Variants in ANGPTL3 observed in about 807,000 individuals in gnomAD.
ANGPTL3 encodes angiopoietin like 3.
In ANGPTL3, 51 loss-of-function variants were observed where a neutral mutation model predicts 52.7. The observed-to-expected ratio is 0.97, with a 90% confidence interval of 0.77 to 1.22. ANGPTL3 has a LOEUF of 1.22. ANGPTL3 is among the 50% of genes most tolerant of loss of function. The pLI is 0.00. For missense variants in ANGPTL3, 506 were observed against 520.7 expected, an observed-to-expected ratio of 0.97 and a Z score of 0.27; for synonymous variants, 185 against 179.8, an observed-to-expected ratio of 1.03 and a Z score of -0.23.
intron 5 of ANGPTL3, among the ~76,000 whole-genome samples, chr1:62,603,694 T>C (rs572099015): frequency 3.9e-5 from 6 of 151,946 alleles, no homozygotes; most frequent in African/African-American, 1.4e-4. Flanking sequence ...TCTATAATAA[T>C]GTAACACATT....
At position 62,603,960 on chromosome 1, in the gene ANGPTL3, T is replaced by G. The variant is rs1308069792; in HGVS notation, c.932-9T>G. 6.2e-7 allele frequency: 1 copy of G among 1,612,266 alleles called. No individual in the cohort carries two copies. Among genetic ancestry groups the G allele is most frequent in the Admixed American group, 1.7e-5 (1 of 59,912 alleles). On this transcript the variant is annotated splice_polypyrimidine_tract_variant and intron_variant, in intron 5 of 6. Transcript: ENST00000371129. The stretch of plus-strand genomic sequence containing the variant: ...ATAACTCACAGATTTTTAAAACTTT[T>G]CTTTTCAGGAGAATTTTGGTTGGGC...
Position 62,601,854 on chromosome 1 carries a change from T to C in ANGPTL3, c.807T>C (p.Val269=). 6.2e-7 allele frequency: 1 copy of C among 1,609,452 alleles called. No homozygotes were observed. The highest frequency in any genetic ancestry group is 8.5e-7 in the Non-Finnish European group (1 of 1,176,626). Residue 269 remains valine (V), a synonymous_variant, in exon 4 of 7, where the codon GTT becomes GTC. Transcript: ENST00000371129. ...CCATCAGACCCAGCAACTCTCAAGT[T>C]TTTCATGTCTACTGTGATGTTATAT... is the stretch of plus-strand genomic sequence containing the variant. ...MYAIRPSNSQ[V]FHVYCDVISG...
chr1:62,597,731 T>C lies in ANGPTL3; in HGVS notation c.165T>C (p.His55=), dbSNP rs775056868. 11 of 1,613,500 alleles carry C rather than the reference T, an allele frequency of 6.8e-6. No homozygotes were observed. The highest frequency in any genetic ancestry group is 1.6e-4 in the Middle Eastern group (1 of 6,072). ...CCAATGGCCTCCTTCAGTTGGGACA[T>C]GGTCTTAAAGACTTTGTCCATAAGA... The part of the protein sequence containing the change: ...ILANGLLQLG[H]GLKDFVHKTK... Residue 55 remains histidine (H), a synonymous_variant, in exon 1 of 7, where the codon CAT becomes CAC. Transcript: ENST00000371129.
In ANGPTL3 at chr1:62,597,782, T is replaced by G. The variant is rs775299081; in HGVS notation, c.216T>G (p.Phe72Leu). ...HKTKGQINDI[F>L]QKLNIFDQSF... Reference sequence around the variant, plus strand: ...CGAAGGGCCAAATTAATGACATATTTCAAAAACTCAACATATTTGATCAGT... The same window carrying G: ...CGAAGGGCCAAATTAATGACATATTGCAAAAACTCAACATATTTGATCAGT... Residue 72 changes from phenylalanine to leucine, a missense_variant, in exon 1 of 7, where the codon TTT (phenylalanine) becomes TTG (leucine). By Grantham distance (22) the Phe-to-Leu change is conservative. Transcript: ENST00000371129. 1.2e-6 allele frequency: 2 copies of G among 1,613,492 alleles called. No individual in the cohort carries two copies. The highest frequency in any genetic ancestry group is 3.3e-5 in the Admixed American group (2 of 59,918).
At chr1:62,599,717 T>C (rs1433911673) in intron 2 of ANGPTL3, among the ~76,000 whole-genome samples, 1 of 152,028 alleles carries the variant, frequency 6.6e-6, no homozygotes, top group Non-Finnish European at 1.5e-5. Context: ...CACAGAAGCG[T>C]GTGCTATGAT....
chr1:62,602,485 C>G, intron 5 of ANGPTL3, 105 bp downstream of exon 5: 1 of 914,306 alleles, frequency 1.1e-6, no homozygotes, highest in Non-Finnish European at 1.8e-6. Flanking sequence ...GAACGAGAAG[C>G]AGTCTCAGCC....
chr1:62,604,912 T>C lies in ANGPTL3; in HGVS notation c.*95T>C. 7.5e-7 allele frequency: 1 copy of C among 1,334,720 alleles called. No individual in the cohort carries two copies. The highest frequency in any genetic ancestry group is 1.1e-6 in the Non-Finnish European group (1 of 943,578). The allele number at this position is 1,334,720 out of a possible 1,614,324, so 82.7% of individuals were successfully genotyped here. On this transcript the variant is annotated 3_prime_UTR_variant, in exon 7 of 7. Transcript: ENST00000371129. Reference sequence around the variant, plus strand: ...TGGTATTAAATCCTTAAGAGAAAGCTTGAGAAATAGATTTTTTTTATCTTA... The same window carrying C: ...TGGTATTAAATCCTTAAGAGAAAGCCTGAGAAATAGATTTTTTTTATCTTA...
chr1:62,597,892 A>G lies in ANGPTL3; in HGVS notation c.326A>G (p.Lys109Arg). 1 of 1,572,260 alleles carries G rather than the reference A, an allele frequency of 6.4e-7. No individual in the cohort carries two copies. The highest frequency in any genetic ancestry group is 2.2e-5 in the East Asian group (1 of 44,502). Residue 109 changes from lysine (K) to arginine (R), a missense_variant, in exon 1 of 7, where the codon AAA becomes AGA. Transcript: ENST00000371129. ...LRRTTYKLQV[K>R]NEEVKNMSLE... ...AGAACTACATATAAACTACAAGTCA[A>G]AAATGAAGAGGTAAAGAATATGTCA...
At chr1:62,603,072 T>C (rs1236821045) in intron 5 of ANGPTL3, among the ~76,000 whole-genome samples, 1 of 151,790 alleles carries the variant, frequency 6.6e-6, no homozygotes, top group African/African-American at 2.4e-5. Flanking sequence ...TTTAAAAATT[T>C]TGTATTCAAA....
Position 62,597,844 on chromosome 1 carries a change from A to G in ANGPTL3, c.278A>G (p.Lys93Arg). 6.2e-7 allele frequency: 1 copy of G among 1,604,694 alleles called. No homozygotes were observed. The highest frequency in any genetic ancestry group is 8.5e-7 in the Non-Finnish European group (1 of 1,176,102). ...YDLSLQTSEI[K>R]EEEKELRRTT... is the part of the protein sequence containing the mutation. ...CTATCGCTGCAAACCAGTGAAATCA[A>G]AGAAGAAGAAAAGGAACTGAGAAGA... Residue 93 changes from lysine to arginine, a missense_variant, in exon 1 of 7, where the codon AAA becomes AGA. Physicochemically the swap from Lys to Arg is conservative, Grantham distance 26. Coordinates refer to ENST00000371129, the MANE Select transcript of ANGPTL3 (RefSeq NM_014495.4).
rs773165983 is a variant in ANGPTL3 at position 62,601,784 on chromosome 1, G to C, written c.737G>C (p.Cys246Ser). Reference protein sequence around the residue: ...NVKHDGIPAECTTIYNRGEHT... With the variant: ...NVKHDGIPAESTTIYNRGEHT... Reference sequence around the variant, plus strand: ...TTGATTCTAGGCATTCCTGCTGAATGTACCACCATTTATAACAGAGGTGAA... The same window carrying C: ...TTGATTCTAGGCATTCCTGCTGAATCTACCACCATTTATAACAGAGGTGAA... The change falls in exon 4 of 7, where the codon TGT (cysteine) becomes TCT (serine). Residue 246 changes from cysteine (C) to serine (S), a missense_variant. By Grantham distance (112) the Cys-to-Ser change is moderately radical. Transcript: ENST00000371129. 6.2e-7 allele frequency: 1 copy of C among 1,608,102 alleles called. No homozygotes were observed. The highest frequency in any genetic ancestry group is 8.5e-7 in the Non-Finnish European group (1 of 1,175,898).
Position 62,602,475 on chromosome 1 carries a change from G to A in ANGPTL3, c.931+95G>A, listed in dbSNP as rs536323268. Reference sequence around the variant, plus strand: ...ACCAGGTATTAGGAAAAGTAGTAACGAACGAGAAGCAGTCTCAGCCTTCAT... The same window carrying A: ...ACCAGGTATTAGGAAAAGTAGTAACAAACGAGAAGCAGTCTCAGCCTTCAT... On this transcript the variant is annotated intron_variant, in intron 5 of 6. Coordinates refer to ENST00000371129, the MANE Select transcript of ANGPTL3 (RefSeq NM_014495.4). 348 of 1,062,042 alleles carry A rather than the reference G, an allele frequency of 3.3e-4. 1 individual carries two copies. The highest frequency in any genetic ancestry group is 2.0e-3 in the Admixed American group (116 of 58,308). 65.8% of individuals were successfully genotyped at this position (1,062,042 alleles called of 1,614,324 possible).
chr1:62,600,998 T>C (rs572357542), intron 2 of ANGPTL3, 84 bp from the exon 3 acceptor site: 6 of 814,728 alleles, frequency 7.4e-6, no homozygotes, highest in African/African-American at 1.7e-5. Context: ...AAAGACAAAC[T>C]GTACTTCTGA....
rs1650545232 is a variant in ANGPTL3, at chr1:62,603,995, A to G, written c.958A>G (p.Ile320Val). 6.2e-7 allele frequency: 1 copy of G among 1,612,964 alleles called. No homozygotes were observed. Among genetic ancestry groups the G allele is most frequent in the Non-Finnish European group, 8.5e-7 (1 of 1,179,254 alleles). ...DGEFWLGLEK[I>V]YSIVKQSNYV... ...AGAATTTTGGTTGGGCCTAGAGAAG[A>G]TATACTCCATAGTGAAGCAATCTAA... Residue 320 changes from isoleucine to valine, a missense_variant, in exon 6 of 7, where the codon ATA becomes GTA. Coordinates refer to ENST00000371129, the MANE Select transcript of ANGPTL3 (RefSeq NM_014495.4).
intron 1 of ANGPTL3, 41 bp downstream of exon 1, chr1:62,598,102 T>C (rs754825273): frequency 1.0e-5 from 15 of 1,503,106 alleles, no homozygotes; most frequent in Non-Finnish European, 1.3e-5. Context: ...ATGTTTTCAA[T>C]GTGGATCTTT....
In ANGPTL3 at chr1:62,604,128, C is replaced by T. The variant is rs753754473; in HGVS notation, c.1091C>T (p.Ala364Val). The change falls in exon 6 of 7, where the codon GCG becomes GTG. Residue 364 changes from alanine to valine, a missense_variant. Coordinates refer to ENST00000371129, the MANE Select transcript of ANGPTL3 (RefSeq NM_014495.4). The stretch of plus-strand genomic sequence containing the variant: ...ACCAACTATACGCTACATCTAGTTG[C>T]GATTACTGGCAATGTCCCCAATGCA... ...HETNYTLHLV[A>V]ITGNVPNAIP... 45 of 1,613,002 alleles carry T rather than the reference C, an allele frequency of 2.8e-5. No individual in the cohort carries two copies. Among genetic ancestry groups the T allele is most frequent in the Non-Finnish European group, 3.7e-5 (44 of 1,179,438 alleles).
chr1:62,600,233 T>C (rs1649908494), intron 2 of ANGPTL3, among the ~76,000 whole-genome samples: 1 of 151,792 alleles, frequency 6.6e-6, no homozygotes. Flanking sequence ...ACCAAAACAA[T>C]GAATTTCTGA....
chr1:62,603,381 G>C (rs1212907234), intron 5 of ANGPTL3, among the ~76,000 whole-genome samples: 2 of 151,644 alleles, frequency 1.3e-5, no homozygotes, highest in Non-Finnish European at 3.0e-5. Flanking sequence ...TTTGTTATTT[G>C]TTTTTAATTC....
rs772720883 is a variant in ANGPTL3 at position 62,604,815 on chromosome 1, T to G, written c.1381T>G (p.Ter461GlyextTer18). The G allele has an allele frequency of 1.2e-6, 2 of 1,612,572 alleles. No homozygotes were observed. Among genetic ancestry groups the G allele is most frequent in the African/African-American group, 2.7e-5 (2 of 74,862 alleles). ...TCCAACAGATTCAGAAAGCTTTGAATGAACTGAGGCAAATTTAAAAGGCAA... is the reference window on the plus strand; with the variant it reads ...TCCAACAGATTCAGAAAGCTTTGAAGGAACTGAGGCAAATTTAAAAGGCAA... ...IHPTDSESFE[*>G] The change falls in exon 7 of 7, where the codon TGA (stop) becomes GGA (glycine). Residue 461 changes from the stop codon to glycine (G), a stop_lost. Transcript: ENST00000371129.
Sources: allele counts gnomAD v4.1 joint callset (sites outside exome capture counted in the v4.1 genomes callset), GRCh38; gene constraint gnomAD v4.1.1; transcripts MANE v1.5; gene names NCBI Gene and HGNC (gene_info 2026-07-23, HGNC 2026-07-21).